The following RAP1GAP2 variants were observed in gnomAD, a reference collection of about 807,000 sequenced individuals.
RAP1GAP2 encodes RAP1 GTPase activating protein 2, also known as rap1 GTPase-activating protein 2.
In RAP1GAP2, 27 loss-of-function variants were observed where a neutral mutation model predicts 95.0. The observed-to-expected ratio is 0.28, with a 90% CI of 0.21 to 0.39. The LOEUF is 0.39. Ranked by LOEUF, RAP1GAP2 falls within the 10% of genes least tolerant of loss-of-function variation. The pLI is 1.00. For missense variants in RAP1GAP2, 771 were observed against 970.0 expected, an observed-to-expected ratio of 0.79 and a Z score of 2.72; for synonymous variants, 373 against 380.9, an observed-to-expected ratio of 0.98 and a Z score of 0.24.
At chr17:2,895,713 AT>A (rs1419620873) in intron 2 of RAP1GAP2, among the ~76,000 whole-genome samples, 9 of 151,932 alleles carry the variant, frequency 5.9e-5, no homozygotes, top group Admixed American at 5.3e-4. Context: ...AGTAGCTGGG[AT>A]TACAGGCGCC....
Position 2,980,322 on chromosome 17 carries a change from T to G in RAP1GAP2, c.632T>G (p.Leu211Trp). 1.2e-6 allele frequency: 2 copies of G among 1,613,934 alleles called. No individual in the cohort carries two copies. The highest frequency in any genetic ancestry group is 1.7e-6 in the Non-Finnish European group (2 of 1,179,868). ...AAGACGGTACATGAGCGGATCCCCT[T>G]GGCTGGACTGAGCAAGCTTCCCAGT... is the stretch of plus-strand genomic sequence containing the variant. Reference protein sequence around the residue: ...KLKTVHERIPLAGLSKLPSVP... With the variant: ...KLKTVHERIPWAGLSKLPSVP... The change falls in exon 9 of 25, where the codon TTG (leucine) becomes TGG (tryptophan). Residue 211 changes from leucine (L) to tryptophan (W), a missense_variant. Physicochemically the swap from Leu to Trp is moderately conservative, Grantham distance 61. Coordinates refer to ENST00000254695, the MANE Select transcript of RAP1GAP2 (RefSeq NM_015085.5).
At position 2,906,095 on chromosome 17, in the gene RAP1GAP2, C is replaced by CT. The variant is rs1479943849; in HGVS notation, c.165+728dup. 5.9e-5 allele frequency among the ~76,000 whole-genome samples: 9 copies of CT among 152,176 alleles called. No homozygotes were observed. The highest frequency in any genetic ancestry group is 4.6e-4 in the Admixed American group (7 of 15,274). Reference sequence around the variant, plus strand: ...TGGCATGCACGCTCTCCCTCCCTCCCTCCCTGCCTCCCTCCTTCCTTCACA... The same window carrying CT: ...TGGCATGCACGCTCTCCCTCCCTCCCTTCCCTGCCTCCCTCCTTCCTTCACA... On this transcript the variant is annotated intron_variant, in intron 3 of 24. Coordinates refer to ENST00000254695, the MANE Select transcript of RAP1GAP2 (RefSeq NM_015085.5). The surrounding 1 kb of genome is among the most constrained non-coding windows in gnomAD (Gnocchi z 4.3).
Position 2,771,486 on chromosome 17 carries a change from G to GTT in RAP1GAP2, c.167+1052_167+1053dup, listed in dbSNP as rs566884358. Among the ~76,000 whole-genome samples the GTT allele has an allele frequency of 7.0e-3, 865 of 123,368 alleles. 31 individuals carry two copies. The highest frequency in any genetic ancestry group is 0.013 in the African/African-American group (400 of 30,300). The allele number at this position is 123,368 out of a possible 152,430, so 80.9% of individuals were successfully genotyped here. A position where few individuals can be genotyped will look rare whatever the true frequency, so the allele number is the denominator to read the frequency against. ...CTTTCCCCATCAAAGCCACTTTTTT[G>GTT]TTTTTTTTTTTTGTTTTTTTTTTTT... On this transcript the variant is annotated intron_variant, in intron 2 of 25. Transcript: ENST00000637138.
chr17:2,960,685 T>C (rs145105190), intron 4 of RAP1GAP2, among the ~76,000 whole-genome samples: 5 of 152,250 alleles, frequency 3.3e-5, no homozygotes, highest in African/African-American at 1.2e-4. Context: ...TGGTGGAAAG[T>C]GCTGTGAGTT....
At chr17:2,987,559 C>T (rs1053088873) in intron 11 of RAP1GAP2, among the ~76,000 whole-genome samples, 1 of 151,948 alleles carries the variant, frequency 6.6e-6, no homozygotes, top group African/African-American at 2.4e-5. Context: ...CGGGGTTTCA[C>T]CGTGTTGGTC....
Position 2,797,832 on chromosome 17 carries a change from A to G in RAP1GAP2, c.44+1261A>G. On this transcript the variant is annotated intron_variant, in intron 1 of 24. Transcript: ENST00000254695. This position sits in a 1 kb window ranked among gnomAD's most constrained non-coding sequence, Gnocchi z 5.6. Reference sequence around the variant, plus strand: ...GCAGAGGACTTGGCTTCTGGTTGGGAGGGGTGTGTGTGTCTTGGCTGTGGG... The same window carrying G: ...GCAGAGGACTTGGCTTCTGGTTGGGGGGGGTGTGTGTGTCTTGGCTGTGGG... 3 of 970,982 alleles carry G rather than the reference A, an allele frequency of 3.1e-6. No homozygotes were observed. The highest frequency in any genetic ancestry group is 3.7e-6 in the Non-Finnish European group (3 of 817,138). 60.1% of individuals were successfully genotyped at this position (970,982 alleles called of 1,614,324 possible).
intron 2 of RAP1GAP2, among the ~76,000 whole-genome samples, chr17:2,882,097 G>C (rs1261954681): frequency 2.7e-5 from 4 of 150,264 alleles, no homozygotes; most frequent in South Asian, 4.2e-4. Flanking sequence ...TGGGATTACA[G>C]GCATGAGCCA....
At chr17:2,851,945 G>A (rs764309482) in intron 2 of RAP1GAP2, among the ~76,000 whole-genome samples, 1 of 152,160 alleles carries the variant, frequency 6.6e-6, no homozygotes. Flanking sequence ...CAGGCCTTCC[G>A]TTGAGGTGCA....
chr17:2,963,179 G>C lies in RAP1GAP2; in HGVS notation c.247-251G>C, dbSNP rs1166322107. 8.7e-6 allele frequency: 5 copies of C among 577,738 alleles called. No individual in the cohort carries two copies. The Admixed American group carries it at 1.6e-4, about 18-fold the overall frequency. The allele number at this position is 577,738 out of a possible 1,614,324, so 35.8% of individuals were successfully genotyped here. ...TTCTAGGATGAGAAGCTGGTATCAC[G>C]AGGGGTGAGAAGTTCAGCACCTTCG... On this transcript the variant is annotated intron_variant, in intron 5 of 24. Coordinates refer to ENST00000254695, the MANE Select transcript of RAP1GAP2 (RefSeq NM_015085.5). The surrounding 1 kb of genome is among the most constrained non-coding windows in gnomAD (Gnocchi z 4.8).
chr17:3,016,411 G>C (rs1309853426), intron 17 of RAP1GAP2, among the ~76,000 whole-genome samples: 1 of 152,248 alleles, frequency 6.6e-6, no homozygotes. Context: ...GGGGAGCTCA[G>C]GGAGCAGAGG....
At chr17:2,853,223 C>T (rs1191400637) in intron 2 of RAP1GAP2, among the ~76,000 whole-genome samples, 2 of 152,014 alleles carry the variant, frequency 1.3e-5, no homozygotes, top group African/African-American at 4.8e-5. Flanking sequence ...AGCTCCCACC[C>T]GGGGACCCGG....
chr17:2,850,944 C>T (rs2071821800), intron 2 of RAP1GAP2, among the ~76,000 whole-genome samples: 1 of 151,928 alleles, frequency 6.6e-6, no homozygotes, highest in African/African-American at 2.4e-5. Flanking sequence ...CCGGTAGTCC[C>T]AGCTACTCAG....
intron 2 of RAP1GAP2, among the ~76,000 whole-genome samples, chr17:2,811,595 T>G (rs1321608866): frequency 6.6e-6 from 1 of 152,212 alleles, no homozygotes; most frequent in Non-Finnish European, 1.5e-5. Flanking sequence ...TTTTGTTTTT[T>G]GAGACGGAGT....
At chr17:2,858,657 C>T (rs1345912678) in intron 2 of RAP1GAP2, among the ~76,000 whole-genome samples, 6 of 152,140 alleles carry the variant, frequency 3.9e-5, no homozygotes, top group African/African-American at 1.2e-4. Context: ...CCTGTAATCT[C>T]AGCACGTTGG....
At position 2,904,079 on chromosome 17, in the gene RAP1GAP2, G is replaced by A. The variant is rs1348775677; in HGVS notation, c.81-1205G>A. Among the ~76,000 whole-genome samples, 1 of 152,196 alleles carries A rather than the reference G, an allele frequency of 6.6e-6. No individual in the cohort carries two copies. Among genetic ancestry groups the A allele is most frequent in the Non-Finnish European group, 1.5e-5 (1 of 68,026 alleles). On this transcript the variant is annotated intron_variant, in intron 2 of 24. Coordinates refer to ENST00000254695, the MANE Select transcript of RAP1GAP2 (RefSeq NM_015085.5). The surrounding 1 kb of genome is among the most constrained non-coding windows in gnomAD (Gnocchi z 4.7). ...CTGACTCTCTCTGCTGCTTCAGAGC[G>A]GGGCTGTAGAGGAGGACACACTTGT...
chr17:2,954,250 G>A (rs992478555), intron 3 of RAP1GAP2, among the ~76,000 whole-genome samples: 58 of 151,362 alleles, frequency 3.8e-4, no homozygotes, highest in African/African-American at 1.1e-3. Context: ...GATTACAGGC[G>A]CCCGCCACCA....
rs745472696 is a variant in RAP1GAP2, at chr17:2,896,522, T to C, written c.81-8762T>C. 2.2e-4 allele frequency among the ~76,000 whole-genome samples: 33 copies of C among 152,194 alleles called. 1 individual carries two copies. Among genetic ancestry groups the C allele is most frequent in the Admixed American group, 5.2e-4 (8 of 15,280 alleles). ...CATAGAACTCGGAATCTCTGCTGGC[T>C]TGGGTGTAAACCATAAAGCACGCAT... On this transcript the variant is annotated intron_variant, in intron 2 of 24. Coordinates refer to ENST00000254695, the MANE Select transcript of RAP1GAP2 (RefSeq NM_015085.5).
chr17:2,933,930 G>A (rs999398550), intron 3 of RAP1GAP2, among the ~76,000 whole-genome samples: 4 of 152,254 alleles, frequency 2.6e-5, no homozygotes, highest in African/African-American at 7.2e-5. Context: ...CTTAACCAGC[G>A]TGGGCAGCTC....
intron 3 of RAP1GAP2, among the ~76,000 whole-genome samples, chr17:2,927,396 G>T (rs551964023): frequency 1.9e-3 from 289 of 151,604 alleles, no homozygotes; most frequent in Middle Eastern, 3.4e-3. Flanking sequence ...CTCGTGATCC[G>T]CCCGCCTTGG....
Sources: allele counts gnomAD v4.1 joint callset (sites outside exome capture counted in the v4.1 genomes callset), GRCh38; gene constraint gnomAD v4.1.1; non-coding constraint Gnocchi (gnomAD v3.1); transcripts MANE v1.5; gene names NCBI Gene and HGNC (gene_info 2026-07-23, HGNC 2026-07-21).